The following PLEKHM3 variants were observed in gnomAD, a reference collection of about 807,000 sequenced individuals.
PLEKHM3 encodes the protein pleckstrin homology domain-containing family M member 3.
Under a neutral mutation model 81.8 loss-of-function variants are expected in PLEKHM3, and 45 were observed. The observed-to-expected ratio is 0.55, with a 90% CI of 0.43 to 0.71. The LOEUF (loss-of-function observed/expected upper bound fraction) is 0.71. Among genes scored for constraint, PLEKHM3 ranks in the 30% least tolerant of loss-of-function variants. The pLI, the probability that PLEKHM3 is intolerant of heterozygous loss-of-function variation, is 0.00. For synonymous variants in PLEKHM3, 352 were observed against 356.4 expected, an observed-to-expected ratio of 0.99 and a Z score of 0.14; for missense variants, 788 against 924.3, an observed-to-expected ratio of 0.85 and a Z score of 1.91.
In PLEKHM3 at chr2:207,930,944, GCCACCGCTGCCCGGCA is replaced by G. The variant is rs1371387479; in HGVS notation, c.1852_1867del (p.Cys618GlnfsTer29). ...CTCTTACCTGCGGCGGAGATCCTCT[GCCACCGCTGCCCGGCA>G]GCTGAACAAATAGGCTCGGAGCGAC... On this transcript the variant is annotated frameshift_variant, in exon 5 of 8. Coordinates refer to ENST00000427836, the MANE Select transcript of PLEKHM3 (RefSeq NM_001080475.3). LOFTEE classifies it high-confidence loss of function. 1 of 1,613,166 alleles carries G rather than the reference GCCACCGCTGCCCGGCA, an allele frequency of 6.2e-7. No homozygotes were observed. Among genetic ancestry groups the G allele is most frequent in the Non-Finnish European group, 8.5e-7 (1 of 1,179,234 alleles).
At chr2:208,011,130 A>G (rs1692677934) in intron 1 of PLEKHM3, among the ~76,000 whole-genome samples, 1 of 151,976 alleles carries the variant, frequency 6.6e-6, no homozygotes, top group Non-Finnish European at 1.5e-5. Flanking sequence ...ACACTTCTAC[A>G]CTGCTGGTGG....
At chr2:208,000,546 G>A (rs1413040124) in intron 2 of PLEKHM3, among the ~76,000 whole-genome samples, 4 of 152,128 alleles carry the variant, frequency 2.6e-5, no homozygotes, top group Non-Finnish European at 1.5e-5. Context: ...ACCTTCTTGA[G>A]TCTTTGCTGG....
At chr2:207,982,652 C>T (rs529425379) in intron 2 of PLEKHM3, among the ~76,000 whole-genome samples, 12 of 150,180 alleles carry the variant, frequency 8.0e-5, no homozygotes, top group African/African-American at 3.0e-4. Context: ...GATCTTGGCT[C>T]ACTGCAACCT....
At chr2:207,945,899 TA>T (rs748754872) in intron 4 of PLEKHM3, among the ~76,000 whole-genome samples, 278 of 123,714 alleles carry the variant, frequency 2.2e-3, no homozygotes, top group Middle Eastern at 4.3e-3. Flanking sequence ...AGACAATGTC[TA>T]AAAAAAAAAA....
chr2:207,986,872 G>T (rs1277076212), intron 2 of PLEKHM3, among the ~76,000 whole-genome samples: 1 of 147,328 alleles, frequency 6.8e-6, no homozygotes, highest in Non-Finnish European at 1.5e-5. Context: ...TAGAGACAGG[G>T]CCTCGCTATG....
At chr2:207,918,849 A>C (rs1161238533) in intron 5 of PLEKHM3, among the ~76,000 whole-genome samples, 1 of 152,244 alleles carries the variant, frequency 6.6e-6, no homozygotes, top group Non-Finnish European at 1.5e-5. Flanking sequence ...TACATCTAGC[A>C]GAAAGGGCAG....
chr2:207,913,354 T>A (rs1460792414), intron 5 of PLEKHM3, among the ~76,000 whole-genome samples: 4 of 152,076 alleles, frequency 2.6e-5, no homozygotes, highest in African/African-American at 9.7e-5. Flanking sequence ...GAAACAGTAC[T>A]ATTAATATTT....
At chr2:207,945,771 T>C (rs1456990456) in intron 4 of PLEKHM3, among the ~76,000 whole-genome samples, 1 of 151,710 alleles carries the variant, frequency 6.6e-6, no homozygotes, top group Non-Finnish European at 1.5e-5. Flanking sequence ...CGTGGTGGCA[T>C]ATGTGTGTAA....
intron 1 of PLEKHM3, among the ~76,000 whole-genome samples, chr2:208,013,100 GA>G (rs1692755098): frequency 6.6e-6 from 1 of 152,172 alleles, no homozygotes; most frequent in South Asian, 2.1e-4. Flanking sequence ...GGACAATAAA[GA>G]ATTTTAAGTA....
At chr2:207,890,290 T>C (rs1688020745) in intron 6 of PLEKHM3, among the ~76,000 whole-genome samples, 1 of 152,194 alleles carries the variant, frequency 6.6e-6, no homozygotes, top group African/African-American at 2.4e-5. Context: ...GGAGATGGTT[T>C]CCTTAAATAC....
At chr2:207,840,799 G>GTTTTTTT (rs1221570591) in intron 7 of PLEKHM3, among the ~76,000 whole-genome samples, 4 of 109,836 alleles carry the variant, frequency 3.6e-5, no homozygotes, top group South Asian at 2.9e-4. Flanking sequence ...CACTTTTTAT[G>GTTTTTTT]TTTTTTTTTT....
intron 6 of PLEKHM3, among the ~76,000 whole-genome samples, chr2:207,893,131 A>C (rs1410509852): frequency 1.3e-5 from 2 of 152,186 alleles, no homozygotes. Flanking sequence ...AAAACAAAAA[A>C]AGCGTTGTTA....
At chr2:207,830,470 G>A (rs964755344) in intron 7 of PLEKHM3, among the ~76,000 whole-genome samples, 22 of 151,850 alleles carry the variant, frequency 1.4e-4, no homozygotes, top group Admixed American at 1.2e-3. Flanking sequence ...AAAATTAGCC[G>A]GGCGTGGTGA....
At chr2:207,896,310 G>A (rs556644685) in intron 6 of PLEKHM3, among the ~76,000 whole-genome samples, 1 of 152,232 alleles carries the variant, frequency 6.6e-6, no homozygotes, top group African/African-American at 2.4e-5. Context: ...TAGTTGCAAG[G>A]CCATAGCCAG....
intron 2 of PLEKHM3, among the ~76,000 whole-genome samples, chr2:207,986,934 C>G (rs766569653): frequency 6.7e-6 from 1 of 150,278 alleles, no homozygotes; most frequent in African/African-American, 2.5e-5. Context: ...ATTGCCTTGG[C>G]CTTCCAAAGT....
At chr2:207,896,424 G>C (rs1688225323) in intron 6 of PLEKHM3, among the ~76,000 whole-genome samples, 1 of 152,154 alleles carries the variant, frequency 6.6e-6, no homozygotes, top group Non-Finnish European at 1.5e-5. Context: ...CCCTACCCGG[G>C]TTAAGTTAAA....
chr2:207,961,700 C>T (rs544882476), intron 3 of PLEKHM3, among the ~76,000 whole-genome samples: 10 of 152,274 alleles, frequency 6.6e-5, no homozygotes, highest in South Asian at 6.2e-4. Context: ...CTCTGAGTTG[C>T]GGCTCTGAGA....
intron 6 of PLEKHM3, among the ~76,000 whole-genome samples, chr2:207,864,645 C>T (rs1193020165): frequency 6.6e-6 from 1 of 152,162 alleles, no homozygotes; most frequent in East Asian, 1.9e-4. Flanking sequence ...GAAGTTTGAG[C>T]ATCTTGTGCA....
intron 1 of PLEKHM3, among the ~76,000 whole-genome samples, chr2:208,009,800 T>A (rs1692627170): frequency 6.6e-6 from 1 of 152,228 alleles, no homozygotes; most frequent in African/African-American, 2.4e-5. Context: ...CTGACATCTG[T>A]AAGTATATAT....
Sources: allele counts gnomAD v4.1 joint callset (sites outside exome capture counted in the v4.1 genomes callset), GRCh38; gene constraint gnomAD v4.1.1; transcripts MANE v1.5; gene names NCBI Gene and HGNC (gene_info 2026-07-23, HGNC 2026-07-21).